The following ERCC8 variants were observed in gnomAD, a reference collection of about 807,000 sequenced individuals.
The protein encoded by ERCC8 is ERCC excision repair 8, CSA ubiquitin ligase complex subunit, also known as DNA excision repair protein ERCC-8.
Under a neutral mutation model 54.9 loss-of-function variants are expected in ERCC8, and 52 were observed. The ratio of observed to expected loss-of-function variants is 0.95; its 90% CI spans 0.76 to 1.19. The LOEUF is 1.19. ERCC8 is among the 50% of genes most tolerant of loss of function. The probability of loss-of-function intolerance (pLI) is 0.00; values close to 1 mark genes in which losing one functional copy is unlikely to be tolerated. For missense variants in ERCC8, 514 were observed against 466.1 expected (o/e 1.10, Z -0.95); for synonymous variants, 146 against 157.2 (o/e 0.93, Z 0.53).
At position 60,872,841 on chromosome 5, in the gene ERCC8, T is replaced by C. The variant is rs926785746; in HGVS notation, c.*1774A>G. Among the ~76,000 whole-genome samples the C allele has an allele frequency of 6.6e-6, 1 of 152,196 alleles. No individual in the cohort carries two copies. The highest frequency in any genetic ancestry group is 2.4e-5 in the African/African-American group (1 of 41,458). On this transcript the variant is annotated 3_prime_UTR_variant, in exon 12 of 12. Coordinates refer to ENST00000676185, the MANE Select transcript of ERCC8 (RefSeq NM_000082.4). The stretch of plus-strand genomic sequence containing the variant: ...ATATCCAAAGGATATGAAATCAGTA[T>C]GTCAAAGAGATATCTGCACTACCAG...
In ERCC8 at chr5:60,870,095, A is replaced by G. The variant is rs761798568; in HGVS notation, c.*4520T>C. Among the ~76,000 whole-genome samples the G allele has an allele frequency of 8.0e-5, 12 of 150,646 alleles. No individual in the cohort carries two copies. The highest frequency in any genetic ancestry group is 1.5e-4 in the Non-Finnish European group (10 of 67,916). ...CACTATATTTTTGCAAGTGCTTAAC[A>G]AAACAAAACAAAACAAAACAAGGGT... is the stretch of plus-strand genomic sequence containing the variant. On this transcript the variant is annotated 3_prime_UTR_variant, in exon 12 of 12. Transcript: ENST00000676185.
chr5:60,895,525 T>C (rs1428809610), intron 9 of ERCC8, among the ~76,000 whole-genome samples: 1 of 152,182 alleles, frequency 6.6e-6, no homozygotes, highest in Non-Finnish European at 1.5e-5. Context: ...CATTTACTTA[T>C]AGAGTTATGT....
intron 4 of ERCC8, among the ~76,000 whole-genome samples, chr5:60,909,243 G>GAAAAAAAAAAAAAAAAAAAAAAAA (rs60064294): frequency 2.0e-4 from 4 of 19,948 alleles, no homozygotes; most frequent in Admixed American, 1.1e-3. Flanking sequence ...GCCCTATTCT[G>GAAAAAAAAAAAAAAAAAAAAAAAA]AAAAAAAAAA....
chr5:60,869,463 ATTAC>A lies in ERCC8; in HGVS notation c.*5148_*5151del, dbSNP rs1173230275. Among the ~76,000 whole-genome samples the A allele has an allele frequency of 1.3e-5, 2 of 152,196 alleles. No homozygotes were observed. Among genetic ancestry groups the A allele is most frequent in the Admixed American group, 1.3e-4 (2 of 15,282 alleles). On this transcript the variant is annotated 3_prime_UTR_variant, in exon 12 of 12. Coordinates refer to ENST00000676185, the MANE Select transcript of ERCC8 (RefSeq NM_000082.4). ...TCTTACTGAAGAGCTTCGTTTTGAA[ATTAC>A]TTTATCTATTATTATAATTGGTACA...
chr5:60,919,144 T>C (rs1232075061), intron 3 of ERCC8, among the ~76,000 whole-genome samples: 1 of 152,056 alleles, frequency 6.6e-6, no homozygotes, highest in African/African-American at 2.4e-5. Flanking sequence ...TTTTTGTGTA[T>C]TTAAGATAGT....
At position 60,922,062 on chromosome 5, in the gene ERCC8, G is replaced by C. The variant is rs1168847444; in HGVS notation, c.267C>G (p.Ser89=). Residue 89 remains serine, a synonymous_variant, in exon 3 of 12, where the codon TCC becomes TCG. Coordinates refer to ENST00000676185, the MANE Select transcript of ERCC8 (RefSeq NM_000082.4). ...QSYYTCKAVC[S]IGRDHPDVHR... ...ACATTTTAAATACATACCTGCCAAT[G>C]GAACACACTGCTTTACATGTGTAAT... The C allele has an allele frequency of 6.3e-7, 1 of 1,599,454 alleles. No individual in the cohort carries two copies.
intron 1 of ERCC8, among the ~76,000 whole-genome samples, chr5:60,941,263 T>G (rs1750249630): frequency 6.6e-6 from 1 of 152,218 alleles, no homozygotes; most frequent in South Asian, 2.1e-4. Context: ...AATGGAAATT[T>G]TAGTTTTCAA....
At chr5:60,893,039 A>G (rs1748612718) in intron 9 of ERCC8, 1 of 784,080 alleles carries the variant, frequency 1.3e-6, no homozygotes, top group Non-Finnish European at 2.3e-6. Context: ...TCCGAAGGTA[A>G]TCCAGCCACT....
chr5:60,882,552 C>A (rs1023631642), intron 11 of ERCC8, among the ~76,000 whole-genome samples: 1 of 151,826 alleles, frequency 6.6e-6, no homozygotes, highest in African/African-American at 2.4e-5. Flanking sequence ...ATGCCACCGG[C>A]GAATTTTTGT....
At chr5:60,912,857 T>A (rs1191363434) in intron 4 of ERCC8, among the ~76,000 whole-genome samples, 1 of 152,066 alleles carries the variant, frequency 6.6e-6, no homozygotes, top group Admixed American at 6.5e-5. Flanking sequence ...AATCATGCGG[T>A]TTTTGTCATT....
intron 9 of ERCC8, chr5:60,893,742 G>C: frequency 2.5e-6 from 1 of 392,794 alleles, no homozygotes; most frequent in Non-Finnish European, 4.6e-6. Context: ...CCACTGGGCA[G>C]TCTCCACGAG....
At chr5:60,878,102 C>G (rs369059194) in intron 11 of ERCC8, among the ~76,000 whole-genome samples, 2 of 152,080 alleles carry the variant, frequency 1.3e-5, no homozygotes, top group African/African-American at 2.4e-5. Context: ...TTTTGTCAAA[C>G]GCCTTTTCTG....
chr5:60,932,775 C>T (rs1287312803), intron 1 of ERCC8, among the ~76,000 whole-genome samples: 1 of 151,926 alleles, frequency 6.6e-6, no homozygotes, highest in Admixed American at 6.6e-5. Context: ...GTCTTGAGGA[C>T]TTCCCCCAAC....
chr5:60,898,472 T>C, intron 8 of ERCC8, 72 bp from the exon 9 acceptor site: 3 of 1,533,830 alleles, frequency 2.0e-6, no homozygotes, highest in Non-Finnish European at 2.7e-6. Flanking sequence ...ATGATATAAT[T>C]AAACATATTA....
intron 1 of ERCC8, among the ~76,000 whole-genome samples, chr5:60,943,973 G>T (rs4647044): frequency 6.6e-6 from 1 of 152,134 alleles, no homozygotes; most frequent in African/African-American, 2.4e-5. Flanking sequence ...TCTCCAGAAC[G>T]CAGAACTCAT....
At chr5:60,937,526 G>A (rs1750103553) in intron 1 of ERCC8, among the ~76,000 whole-genome samples, 2 of 152,162 alleles carry the variant, frequency 1.3e-5, no homozygotes, top group Non-Finnish European at 2.9e-5. Context: ...ATGTTCCCAG[G>A]GGGATTATGG....
intron 10 of ERCC8, 55 bp downstream of exon 10, chr5:60,890,831 TATA>T: frequency 8.2e-7 from 1 of 1,216,740 alleles, no homozygotes; most frequent in South Asian, 1.2e-5. Context: ...TTCTTTTACA[TATA>T]ACTGGTCTGG....
At chr5:60,906,350 T>G (rs62372133) in intron 4 of ERCC8, among the ~76,000 whole-genome samples, 58,762 of 151,746 alleles carry the variant, frequency 0.39, 12,350 homozygotes, top group East Asian at 0.8. Context: ...TTAGCAGAAT[T>G]CAGGCTTGTC....
chr5:60,917,649 T>C (rs527972511), intron 4 of ERCC8: 1 of 152,608 alleles, frequency 6.6e-6, no homozygotes, highest in African/African-American at 2.4e-5. Flanking sequence ...GATGTGATCA[T>C]GTTCAGTTGG....
Sources: gnomAD v4.1 joint callset for allele counts (sites outside exome capture counted in the v4.1 genomes callset) on GRCh38, gnomAD v4.1.1 for gene constraint, MANE v1.5 for transcripts, NCBI Gene and HGNC (gene_info 2026-07-23, HGNC 2026-07-21) for gene names.